Variants in TENM2 observed in about 807,000 individuals in gnomAD.
The protein encoded by TENM2 is teneurin transmembrane protein 2.
TENM2 carries 52 observed loss-of-function variants against 245.2 expected under a neutral mutation model. That is an observed-to-expected ratio of 0.21 (90% confidence interval 0.17 to 0.27). TENM2 has a LOEUF of 0.27. TENM2 is among the 10% of genes least tolerant of loss of function. The pLI, the probability that TENM2 is intolerant of heterozygous loss-of-function variation, is 1.00. For missense variants in TENM2, 3,046 were observed against 3,666.8 expected (o/e 0.83, Z 4.37); for synonymous variants, 1,363 against 1,438.9 (o/e 0.95, Z 1.19).
At chr5:167,351,747 A>G (rs765748289) in intron 1 of TENM2, among the ~76,000 whole-genome samples, 2 of 152,136 alleles carry the variant, frequency 1.3e-5, no homozygotes, top group Non-Finnish European at 2.9e-5. Context: ...TGTTTTCAAA[A>G]GTTTGCTGGC....
downstream of TENM2, chr5:168,263,888 A>T (rs1257977296): frequency 1.3e-5 from 2 of 152,638 alleles, no homozygotes; most frequent in Non-Finnish European, 2.9e-5. Context: ...AGAAACTGAG[A>T]CAATCACATG....
chr5:168,097,341 A>G (rs1375871681), intron 8 of TENM2, among the ~76,000 whole-genome samples: 1 of 152,294 alleles, frequency 6.6e-6, no homozygotes, highest in African/African-American at 2.4e-5. Flanking sequence ...ACAGTGTTTA[A>G]AAACTTGTCA....
chr5:167,639,332 G>A (rs996823079), intron 2 of TENM2, among the ~76,000 whole-genome samples: 1 of 152,128 alleles, frequency 6.6e-6, no homozygotes, highest in African/African-American at 2.4e-5. Context: ...GTGTGTGTAT[G>A]CTCATTTCTT....
the TENM2 span, among the ~76,000 whole-genome samples, chr5:167,251,036 A>G: frequency 7.1e-3 from 1,075 of 152,220 alleles, 9 homozygotes; most frequent in African/African-American, 0.024. Context: ...GAGAGGGAGC[A>G]TTCTCTATAG....
chr5:168,236,967 TA>T (rs1765520493), intron 25 of TENM2, among the ~76,000 whole-genome samples: 6 of 5,302 alleles, frequency 1.1e-3, no homozygotes, highest in Non-Finnish European at 1.4e-3. Context: ...TATATATATA[TA>T]TATATATATA....
At chr5:168,011,830 G>A (rs541979717) in intron 5 of TENM2, among the ~76,000 whole-genome samples, 1 of 152,234 alleles carries the variant, frequency 6.6e-6, no homozygotes, top group East Asian at 1.9e-4. Flanking sequence ...TGCTTTAAAA[G>A]GATAATAAAG....
chr5:167,647,375 A>AACTT (rs1780032701), intron 2 of TENM2, among the ~76,000 whole-genome samples: 2 of 152,010 alleles, frequency 1.3e-5, no homozygotes. Context: ...TAAATCCCAG[A>AACTT]ACTTTGGGAG....
At chr5:168,249,472 G>C (rs1195566383) in intron 27 of TENM2, among the ~76,000 whole-genome samples, 1 of 151,004 alleles carries the variant, frequency 6.6e-6, no homozygotes, top group Admixed American at 6.6e-5. Flanking sequence ...GTGTGTGTGT[G>C]TGTGTGTGTG....
the TENM2 span, among the ~76,000 whole-genome samples, chr5:167,141,978 T>C: frequency 6.6e-6 from 1 of 152,114 alleles, no homozygotes; most frequent in African/African-American, 2.4e-5. Context: ...GTAATCATTA[T>C]CAATGACAAG....
At chr5:167,620,549 C>CTTTTTTTTTTTTTTTTTTTTTTTTGTTT (rs11455974) in intron 2 of TENM2, among the ~76,000 whole-genome samples, 1 of 73,314 alleles carries the variant, frequency 1.4e-5, no homozygotes, top group Non-Finnish European at 2.4e-5. Context: ...TGCTTTTTGG[C>CTTTTTTTTTTTTTTTTTTTTTTTTGTTT]TTTTTTTTTT....
intron 2 of TENM2, among the ~76,000 whole-genome samples, chr5:167,670,244 C>T (rs1346685073): frequency 3.3e-5 from 5 of 152,048 alleles, no homozygotes; most frequent in Admixed American, 2.0e-4. Context: ...CAAGAGGGAG[C>T]GCTTTGTGAT....
At chr5:168,098,168 C>T (rs748576574) in intron 9 of TENM2, 41 bp downstream of exon 11, 48 of 1,416,092 alleles carry the variant, frequency 3.4e-5, no homozygotes, top group Non-Finnish European at 4.0e-6. Flanking sequence ...GAAAACAGAC[C>T]CTCCCTAGGC....
intron 13 of TENM2, among the ~76,000 whole-genome samples, chr5:168,183,907 G>C (rs1383947494): frequency 6.6e-6 from 1 of 151,958 alleles, no homozygotes; most frequent in East Asian, 1.9e-4. Flanking sequence ...GCTCACAACT[G>C]TTGTAAGGAC....
chr5:168,111,373 C>A (rs200088716), intron 9 of TENM2, among the ~76,000 whole-genome samples: 2 of 152,206 alleles, frequency 1.3e-5, no homozygotes, highest in Non-Finnish European at 2.9e-5. Flanking sequence ...GGGGTCCTGC[C>A]GGCTCTTGCC....
chr5:167,323,639 G>A (rs1756904962), intron 1 of TENM2, among the ~76,000 whole-genome samples: 1 of 152,016 alleles, frequency 6.6e-6, no homozygotes, highest in African/African-American at 2.4e-5. Flanking sequence ...AGCCAAAATC[G>A]CCTGAAATTT....
Position 167,957,106 on chromosome 5 carries a change from C to CT in TENM2, c.947+4294dup, listed in dbSNP as rs1044471864. Reference sequence around the variant, plus strand: ...AACTCTGATTCCATCTGGTTCTGGGCTTTTTTTTTTGTTGGTAGGCTATTA... The same window carrying CT: ...AACTCTGATTCCATCTGGTTCTGGGCTTTTTTTTTTTGTTGGTAGGCTATTA... On this transcript the variant is annotated intron_variant, in intron 4 of 28. Transcript: ENST00000518659. Among the ~76,000 whole-genome samples the CT allele has an allele frequency of 1.3e-3, 185 of 145,710 alleles. 1 individual carries two copies. The highest frequency in any genetic ancestry group is 7.0e-3 in the Middle Eastern group (2 of 286).
At chr5:167,273,645 C>T in the TENM2 span, among the ~76,000 whole-genome samples, 2 of 151,982 alleles carry the variant, frequency 1.3e-5, no homozygotes, top group Non-Finnish European at 2.9e-5. Context: ...TTTTGTGATC[C>T]TTTCTAGGAG....
chr5:167,098,821 T>C, the TENM2 span, among the ~76,000 whole-genome samples: 3 of 152,196 alleles, frequency 2.0e-5, no homozygotes, highest in Non-Finnish European at 4.4e-5. Context: ...CGCTTTCCAT[T>C]CTGTATCAGC....
At chr5:167,584,579 A>G (rs1411614116) in intron 2 of TENM2, among the ~76,000 whole-genome samples, 1 of 152,194 alleles carries the variant, frequency 6.6e-6, no homozygotes, top group African/African-American at 2.4e-5. Flanking sequence ...TTATCTGGGC[A>G]TGAAGAGGTG....
Sources: gnomAD v4.1 joint callset for allele counts (sites outside exome capture counted in the v4.1 genomes callset) on GRCh38, gnomAD v4.1.1 for gene constraint, MANE v1.5 for transcripts, NCBI Gene and HGNC (gene_info 2026-07-23, HGNC 2026-07-21) for gene names.